ETV6: variants seen among roughly 807,000 people sequenced by gnomAD.
ETV6 encodes the protein transcription factor ETV6.
In ETV6, 16 loss-of-function variants were observed where a neutral mutation model predicts 51.1. That is an observed-to-expected ratio of 0.31 (90% CI 0.21 to 0.48). The LOEUF (loss-of-function observed/expected upper bound fraction) is 0.48, where lower values mean the gene tolerates loss of function less well. Ranked by LOEUF, ETV6 falls within the 20% of genes least tolerant of loss-of-function variation. The pLI is 0.99. For synonymous variants in ETV6, 240 were observed against 224.1 expected, an observed-to-expected ratio of 1.07 and a Z score of -0.64; for missense variants, 458 against 594.8, an observed-to-expected ratio of 0.77 and a Z score of 2.39.
chr12:11,771,844 T>G (rs529569839), intron 2 of ETV6, among the ~76,000 whole-genome samples: 1 of 152,206 alleles, frequency 6.6e-6, no homozygotes, highest in Non-Finnish European at 1.5e-5. Context: ...AGCAAAGAAC[T>G]ATATTGCAGT....
At chr12:11,685,500 A>T (rs1208607589) in intron 1 of ETV6, among the ~76,000 whole-genome samples, 2 of 152,136 alleles carry the variant, frequency 1.3e-5, no homozygotes, top group African/African-American at 4.8e-5. Flanking sequence ...TGGGTAAAAT[A>T]AAAGTGACAA....
At position 11,719,595 on chromosome 12, in the gene ETV6, C is replaced by T. The variant is rs1865343682; in HGVS notation, c.34-32855C>T. Among the ~76,000 whole-genome samples the T allele has an allele frequency of 2.0e-5, 3 of 152,232 alleles. No individual in the cohort carries two copies. The South Asian group carries it at 6.2e-4, about 31-fold the overall frequency. On this transcript the variant is annotated intron_variant, in intron 1 of 7. Transcript: ENST00000396373. The stretch of plus-strand genomic sequence containing the variant: ...TTTTACAGGGCTCTGAATAAAGATG[C>T]ATTTATCTCTGGCCAACACCAAGAG...
chr12:11,662,308 TC>T (rs1292793707), intron 1 of ETV6, among the ~76,000 whole-genome samples: 1 of 152,154 alleles, frequency 6.6e-6, no homozygotes, highest in Non-Finnish European at 1.5e-5. Flanking sequence ...AGCCAGCAGG[TC>T]CCACTGAAAG....
At chr12:11,787,720 A>G (rs760591654) in intron 2 of ETV6, among the ~76,000 whole-genome samples, 2 of 152,182 alleles carry the variant, frequency 1.3e-5, no homozygotes, top group Non-Finnish European at 2.9e-5. Flanking sequence ...AAAATGGCCA[A>G]AGGGATCATA....
At chr12:11,726,558 GC>G (rs1865492991) in intron 1 of ETV6, among the ~76,000 whole-genome samples, 1 of 152,062 alleles carries the variant, frequency 6.6e-6, no homozygotes, top group Non-Finnish European at 1.5e-5. Flanking sequence ...CAGGAGGATC[GC>G]TTGCCCCCAG....
chr12:11,828,429 C>T (rs1284603791), intron 2 of ETV6, among the ~76,000 whole-genome samples: 1 of 152,182 alleles, frequency 6.6e-6, no homozygotes, highest in Non-Finnish European at 1.5e-5. Flanking sequence ...GAGAAGAGGG[C>T]ACCCTTCGTG....
At chr12:11,765,372 T>G (rs1300286220) in intron 2 of ETV6, among the ~76,000 whole-genome samples, 2 of 152,208 alleles carry the variant, frequency 1.3e-5, no homozygotes, top group African/African-American at 4.8e-5. Context: ...ACGTCTCTCT[T>G]GGTCCCCACT....
intron 1 of ETV6, among the ~76,000 whole-genome samples, chr12:11,669,464 T>A (rs1159571379): frequency 2.0e-5 from 3 of 151,566 alleles, no homozygotes; most frequent in Non-Finnish European, 2.9e-5. Flanking sequence ...TTTCTTTCTT[T>A]CCTTTCTTCT....
At chr12:11,674,876 T>A (rs922516748) in intron 1 of ETV6, among the ~76,000 whole-genome samples, 1 of 152,028 alleles carries the variant, frequency 6.6e-6, no homozygotes, top group Non-Finnish European at 1.5e-5. Flanking sequence ...ATCCACCAAT[T>A]CCCCGCTTCC....
chr12:11,681,928 C>T (rs896259009), intron 1 of ETV6, among the ~76,000 whole-genome samples: 10 of 152,122 alleles, frequency 6.6e-5, no homozygotes, highest in Non-Finnish European at 1.2e-4. Flanking sequence ...CATAGTATTC[C>T]GTGGTATATA....
chr12:11,650,344 T>TGCCCCC, intron 1 of ETV6, among the ~76,000 whole-genome samples, 184 bp downstream of exon 1: 1 of 127,510 alleles, frequency 7.8e-6, no homozygotes, highest in South Asian at 2.8e-4. Context: ...ACCTTGCTAC[T>TGCCCCC]CCCCCCCACC....
chr12:11,752,298 C>G (rs1159607663), intron 1 of ETV6, 152 bp from the exon 2 acceptor site: 4 of 757,122 alleles, frequency 5.3e-6, no homozygotes, highest in Non-Finnish European at 6.6e-6. Context: ...TACAGTGTCT[C>G]TACGGAGAGA....
Position 11,895,018 on chromosome 12 carries a change from G to A in ETV6, c.*3972G>A. 4.3e-6 allele frequency: 1 copy of A among 233,672 alleles called. No individual in the cohort carries two copies. Among genetic ancestry groups the A allele is most frequent in the Non-Finnish European group, 8.5e-6 (1 of 118,074 alleles). 14.5% of individuals were successfully genotyped at this position (233,672 alleles called of 1,614,324 possible). A position where few individuals can be genotyped will look rare whatever the true frequency, so the allele number is the denominator to read the frequency against. ...AAGGAAGCCAGTGGGGTGGGAGGGA[G>A]GCACCATAATCCCTCCCTAAAACCC... On this transcript the variant is annotated 3_prime_UTR_variant, in exon 8 of 8. Transcript: ENST00000396373.
intron 1 of ETV6, among the ~76,000 whole-genome samples, chr12:11,694,234 A>G (rs1235672065): frequency 6.6e-6 from 1 of 152,062 alleles, no homozygotes; most frequent in African/African-American, 2.4e-5. Flanking sequence ...TTTGAACTCT[A>G]CCCCTGCTGC....
rs150787352 is a variant in ETV6, at chr12:11,762,399, A to T, written c.163+9820A>T. Reference sequence around the variant, plus strand: ...TCAAGGCGTGTTTGCCTTTCCTGTAACCTGTAAAAAATTTCAGTCTGCGTT... The same window carrying T: ...TCAAGGCGTGTTTGCCTTTCCTGTATCCTGTAAAAAATTTCAGTCTGCGTT... On this transcript the variant is annotated intron_variant, in intron 2 of 7. Coordinates refer to ENST00000396373, the MANE Select transcript of ETV6 (RefSeq NM_001987.5). Among the ~76,000 whole-genome samples the T allele has an allele frequency of 1.2e-3, 184 of 152,246 alleles. 1 individual carries two copies. The highest frequency in any genetic ancestry group is 0.011 in the Admixed American group (170 of 15,302).
chr12:11,801,147 G>A (rs540394955), intron 2 of ETV6, among the ~76,000 whole-genome samples: 154 of 152,264 alleles, frequency 1.0e-3, no homozygotes, highest in African/African-American at 3.4e-3. Context: ...CCCAGCATCC[G>A]GATGGCAAAT....
At chr12:11,838,016 A>C (rs1438677019) in intron 2 of ETV6, among the ~76,000 whole-genome samples, 2 of 152,232 alleles carry the variant, frequency 1.3e-5, no homozygotes, top group Non-Finnish European at 2.9e-5. Flanking sequence ...CATATTTTAA[A>C]ATATATTTTC....
intron 1 of ETV6, among the ~76,000 whole-genome samples, chr12:11,665,153 A>G (rs988616110): frequency 2.0e-5 from 3 of 152,120 alleles, no homozygotes; most frequent in South Asian, 4.2e-4. Flanking sequence ...CACCACAGGC[A>G]CGTACCACCA....
chr12:11,799,264 T>A (rs909465038), intron 2 of ETV6, among the ~76,000 whole-genome samples: 1 of 152,230 alleles, frequency 6.6e-6, no homozygotes, highest in African/African-American at 2.4e-5. Flanking sequence ...ACAAGATCAC[T>A]GTGCCCAACC....
Sources: allele counts gnomAD v4.1 joint callset (sites outside exome capture counted in the v4.1 genomes callset), GRCh38; gene constraint gnomAD v4.1.1; transcripts MANE v1.5; gene names NCBI Gene and HGNC (gene_info 2026-07-23, HGNC 2026-07-21).